Variants in MAPK8 observed in about 807,000 individuals in gnomAD.
The protein encoded by MAPK8 is mitogen-activated protein kinase 8.
In MAPK8, 13 loss-of-function variants were observed where a neutral mutation model predicts 52.9. The ratio of observed to expected loss-of-function variants is 0.25; its 90% CI spans 0.16 to 0.39. The LOEUF (loss-of-function observed/expected upper bound fraction) is 0.39. Ranked by LOEUF, MAPK8 falls within the 10% of genes least tolerant of loss-of-function variation. The pLI is 1.00. For synonymous variants in MAPK8, 191 were observed against 169.8 expected, an observed-to-expected ratio of 1.12 and a Z score of -0.97; for missense variants, 300 against 519.2, an observed-to-expected ratio of 0.58 and a Z score of 4.10.
chr10:48,333,288 C>T (rs1343936786), intron 1 of MAPK8, among the ~76,000 whole-genome samples: 1 of 152,214 alleles, frequency 6.6e-6, no homozygotes, highest in Admixed American at 6.5e-5. Flanking sequence ...TCTTCCAGCT[C>T]TTTGATTTAA....
intron 1 of MAPK8, among the ~76,000 whole-genome samples, chr10:48,324,051 A>G (rs1360791108): frequency 6.6e-6 from 1 of 152,224 alleles, no homozygotes; most frequent in Non-Finnish European, 1.5e-5. Context: ...ATGTTCAGAC[A>G]TACACATTGA....
intron 1 of MAPK8, among the ~76,000 whole-genome samples, chr10:48,368,977 T>C (rs896029870): frequency 6.6e-6 from 1 of 152,184 alleles, no homozygotes; most frequent in Admixed American, 6.6e-5. Flanking sequence ...GGAGAGAGTC[T>C]GACTGGTTCC....
chr10:48,313,545 G>T (rs953336727), intron 1 of MAPK8, among the ~76,000 whole-genome samples: 1 of 152,158 alleles, frequency 6.6e-6, no homozygotes, highest in East Asian at 1.9e-4. Flanking sequence ...CTTATGCTAC[G>T]TCTCGTCAGG....
At chr10:48,428,819 TTTTG>T (rs1157088027) in intron 10 of MAPK8, among the ~76,000 whole-genome samples, 88 of 152,238 alleles carry the variant, frequency 5.8e-4, no homozygotes, top group Admixed American at 4.4e-3. Flanking sequence ...TGGTTGTTTT[TTTTG>T]TTTGTTTGTT....
intron 1 of MAPK8, among the ~76,000 whole-genome samples, chr10:48,356,763 A>T (rs527559489): frequency 7.0e-6 from 1 of 143,582 alleles, no homozygotes; most frequent in Non-Finnish European, 1.5e-5. Context: ...AATCGTTTCA[A>T]CCTGGGAGGT....
chr10:48,372,692 A>G (rs963371590), intron 1 of MAPK8, among the ~76,000 whole-genome samples: 1 of 152,026 alleles, frequency 6.6e-6, no homozygotes, highest in African/African-American at 2.4e-5. Context: ...AAAAAGAGTG[A>G]AAAGAAACAA....
intron 1 of MAPK8, among the ~76,000 whole-genome samples, chr10:48,354,205 C>A (rs72794357): frequency 0.034 from 5,189 of 151,996 alleles, 121 homozygotes; most frequent in Middle Eastern, 0.078. Context: ...AGTGAAAGTT[C>A]TTAAGAGAAA....
rs1264392770 is a variant in MAPK8 at position 48,438,431 on chromosome 10, CAG to C, written c.*3404_*3405del. ...ACGATTAGAAAACTCGTAAGGAAAA[CAG>C]AAGTCCTAATTTCAAACTGACTGCT... On this transcript the variant is annotated 3_prime_UTR_variant, in exon 12 of 12. Transcript: ENST00000374189. 7.2e-5 allele frequency: 11 copies of C among 152,212 alleles called. No individual in the cohort carries two copies. In the South Asian group the frequency reaches 8.3e-4, roughly 11 times the overall value. 9.4% of individuals were successfully genotyped at this position (152,212 alleles called of 1,614,324 possible).
chr10:48,420,344 A>G (rs774804012), intron 6 of MAPK8, 24 bp downstream of exon 6: 16 of 1,539,376 alleles, frequency 1.0e-5, no homozygotes, highest in Non-Finnish European at 1.4e-5. Context: ...TTTATTTGAA[A>G]TATTTTTCTG....
Position 48,367,400 on chromosome 10 carries a change from A to C in MAPK8, c.-49-34212A>C, listed in dbSNP as rs556048703. 1.2e-3 allele frequency among the ~76,000 whole-genome samples: 179 copies of C among 148,634 alleles called. 1 individual carries two copies. The highest frequency in any genetic ancestry group is 3.6e-3 in the African/African-American group (142 of 39,446). ...AAATAAATAAATAAATAAATAAATA[A>C]ATACATATATATGTTTACATATATA... On this transcript the variant is annotated intron_variant, in intron 1 of 11. Transcript: ENST00000374189.
intron 1 of MAPK8, among the ~76,000 whole-genome samples, chr10:48,372,483 G>A (rs1390961994): frequency 4.6e-5 from 7 of 152,170 alleles, no homozygotes; most frequent in African/African-American, 1.7e-4. Flanking sequence ...TGGAAAAAAG[G>A]TTAGACAAAT....
intron 7 of MAPK8, 26 bp from the exon 8 acceptor site, chr10:48,425,861 GT>G: frequency 1.3e-6 from 1 of 785,020 alleles, no homozygotes; most frequent in East Asian, 3.7e-5. Flanking sequence ...TAGTTATGGA[GT>G]ATTTTTCTTA....
chr10:48,362,592 C>A (rs1847636288), intron 1 of MAPK8, among the ~76,000 whole-genome samples: 1 of 151,692 alleles, frequency 6.6e-6, no homozygotes. Flanking sequence ...TTTCTAAAAT[C>A]ATTAAATTTT....
At chr10:48,404,213 G>C (rs1215497935) in intron 2 of MAPK8, among the ~76,000 whole-genome samples, 2 of 151,388 alleles carry the variant, frequency 1.3e-5, no homozygotes, top group East Asian at 3.9e-4. Flanking sequence ...CTGGAGTGCG[G>C]TGGTGCGATC....
At chr10:48,382,532 A>G (rs2041061582) in intron 1 of MAPK8, among the ~76,000 whole-genome samples, 1 of 152,074 alleles carries the variant, frequency 6.6e-6, no homozygotes, top group Admixed American at 6.5e-5. Flanking sequence ...TTAAAAGGAC[A>G]TTGGATTCAA....
chr10:48,338,538 C>T (rs536779329), intron 1 of MAPK8, among the ~76,000 whole-genome samples: 35 of 152,178 alleles, frequency 2.3e-4, no homozygotes, highest in African/African-American at 7.5e-4. Context: ...GATGTCCACT[C>T]TCACCATTCC....
chr10:48,396,378 A>C (rs1389527187), intron 1 of MAPK8, among the ~76,000 whole-genome samples: 3 of 152,206 alleles, frequency 2.0e-5, no homozygotes, highest in Admixed American at 1.3e-4. Flanking sequence ...GGAAAATGCA[A>C]ATTTAAAGCC....
At chr10:48,383,102 T>G (rs1490310500) in intron 1 of MAPK8, among the ~76,000 whole-genome samples, 1 of 152,014 alleles carries the variant, frequency 6.6e-6, no homozygotes, top group African/African-American at 2.4e-5. Context: ...GACTTTTTTT[T>G]TCTTTTTAAC....
At chr10:48,425,779 G>T in intron 7 of MAPK8, 109 bp from the exon 8 acceptor site, 1 of 599,920 alleles carries the variant, frequency 1.7e-6, no homozygotes, top group Non-Finnish European at 2.7e-6. Context: ...ATTTATAACT[G>T]CCACATCCTT....
Sources: allele counts gnomAD v4.1 joint callset (sites outside exome capture counted in the v4.1 genomes callset), GRCh38; gene constraint gnomAD v4.1.1; transcripts MANE v1.5; gene names NCBI Gene and HGNC (gene_info 2026-07-23, HGNC 2026-07-21).